RTTN: variants seen among roughly 807,000 people sequenced by gnomAD.
RTTN encodes rotatin.
In RTTN, 182 loss-of-function variants were observed where a neutral mutation model predicts 269.2. The ratio of observed to expected loss-of-function variants is 0.68; its 90% CI spans 0.60 to 0.76. The LOEUF is 0.76. Ranked by LOEUF, RTTN falls within the 30% of genes least tolerant of loss-of-function variation. The pLI is 0.00. For missense variants in RTTN, 2,545 were observed against 2,608.6 expected (o/e 0.98, Z 0.53); for synonymous variants, 1,006 against 963.5 (o/e 1.04, Z -0.82).
At chr18:70,038,540 C>T (rs189986613) in intron 40 of RTTN, among the ~76,000 whole-genome samples, 5 of 152,286 alleles carry the variant, frequency 3.3e-5, no homozygotes, top group East Asian at 1.9e-4. Context: ...CTGCAAGAAA[C>T]GAAGTGTTAT....
At chr18:70,118,368 C>T (rs1462466165) in intron 26 of RTTN, among the ~76,000 whole-genome samples, 1 of 151,882 alleles carries the variant, frequency 6.6e-6, no homozygotes, top group East Asian at 1.9e-4. Context: ...ATTCTAGACA[C>T]ATAGAGCTAC....
intron 46 of RTTN, among the ~76,000 whole-genome samples, chr18:70,012,121 G>A (rs1199015457): frequency 1.4e-5 from 2 of 144,118 alleles, no homozygotes; most frequent in African/African-American, 5.1e-5. Flanking sequence ...ACAGGGCAGC[G>A]TCTGCTCACT....
intron 28 of RTTN, among the ~76,000 whole-genome samples, chr18:70,097,119 T>A (rs1313638007): frequency 1.3e-5 from 2 of 152,242 alleles, no homozygotes; most frequent in African/African-American, 4.8e-5. Flanking sequence ...CCTCTGGAAT[T>A]ATACATCATG....
intron 46 of RTTN, among the ~76,000 whole-genome samples, chr18:70,016,181 T>C (rs78246294): frequency 0.017 from 2,489 of 145,200 alleles, 65 homozygotes; most frequent in African/African-American, 0.056. Flanking sequence ...AGAATGCTTA[T>C]CAGAAAAATA....
At chr18:70,020,987 T>A (rs973009661) in intron 44 of RTTN, 170 bp from the exon 45 acceptor site, 2 of 540,108 alleles carry the variant, frequency 3.7e-6, no homozygotes, top group African/African-American at 3.8e-5. Flanking sequence ...CTAATAGATA[T>A]ACTGTCCTCA....
rs796881996 is a variant in RTTN at position 70,063,193 on chromosome 18, T to C, written c.4747+2636A>G. 2.9e-4 allele frequency among the ~76,000 whole-genome samples: 44 copies of C among 152,298 alleles called. 1 individual carries two copies. Among genetic ancestry groups the C allele is most frequent in the African/African-American group, 1.1e-3 (44 of 41,560 alleles). On this transcript the variant is annotated intron_variant, in intron 35 of 48. Transcript: ENST00000640769. ...ATTGCCAAATTCCCTTCCAAAATTA[T>C]ACTAATTTGCATTTTCTCTAACAAT...
intron 27 of RTTN, among the ~76,000 whole-genome samples, chr18:70,113,795 C>A (rs185810901): frequency 1.9e-4 from 29 of 152,258 alleles, no homozygotes; most frequent in Admixed American, 1.8e-3. Context: ...CGCTAAAGGT[C>A]ACATTATTGT....
At chr18:70,090,929 G>A (rs1431875917) in intron 30 of RTTN, among the ~76,000 whole-genome samples, 1 of 152,168 alleles carries the variant, frequency 6.6e-6, no homozygotes, top group Admixed American at 6.5e-5. Context: ...AATGAAATTT[G>A]CTTTGCTAGG....
intron 14 of RTTN, among the ~76,000 whole-genome samples, chr18:70,165,100 G>A (rs1056847156): frequency 6.6e-6 from 1 of 151,994 alleles, no homozygotes; most frequent in Non-Finnish European, 1.5e-5. Context: ...TCAAACGTAT[G>A]CACACAGTCA....
chr18:70,102,651 A>G (rs1210086517), intron 28 of RTTN, among the ~76,000 whole-genome samples: 1 of 152,200 alleles, frequency 6.6e-6, no homozygotes, highest in African/African-American at 2.4e-5. Flanking sequence ...TAGTTGATAC[A>G]GTTTCTTCCT....
chr18:70,011,784 G>C (rs955585508), intron 46 of RTTN, among the ~76,000 whole-genome samples: 3 of 152,216 alleles, frequency 2.0e-5, no homozygotes, highest in African/African-American at 7.2e-5. Flanking sequence ...AATAGGAAAA[G>C]GTTCAAGGCA....
intron 10 of RTTN, among the ~76,000 whole-genome samples, chr18:70,184,686 A>C (rs1274757583): frequency 6.9e-6 from 1 of 144,676 alleles, no homozygotes; most frequent in Non-Finnish European, 1.5e-5. Context: ...ACTCAATTCC[A>C]TTCAAAACCA....
chr18:70,091,580 T>C (rs2058847243), intron 30 of RTTN: 2 of 152,294 alleles, frequency 1.3e-5, no homozygotes, highest in African/African-American at 4.8e-5. Context: ...ACTCTGATCT[T>C]GGACTTTCAG....
chr18:70,097,062 C>T (rs2059022548), intron 28 of RTTN, among the ~76,000 whole-genome samples: 1 of 152,178 alleles, frequency 6.6e-6, no homozygotes, highest in Non-Finnish European at 1.5e-5. Context: ...AAATGACAAG[C>T]CAAGACCTTT....
intron 28 of RTTN, among the ~76,000 whole-genome samples, chr18:70,101,035 C>A (rs1568379804): frequency 6.6e-6 from 1 of 152,088 alleles, no homozygotes; most frequent in African/African-American, 2.4e-5. Context: ...GTCTAAAATT[C>A]TCTTTTTTTG....
intron 4 of RTTN, among the ~76,000 whole-genome samples, chr18:70,200,367 A>G (rs2146172765): frequency 6.6e-6 from 1 of 152,346 alleles, no homozygotes; most frequent in Admixed American, 6.5e-5. Context: ...ACCCTCAATC[A>G]AGACAAACTG....
chr18:70,098,406 C>T (rs2059060316), intron 28 of RTTN, among the ~76,000 whole-genome samples: 1 of 152,106 alleles, frequency 6.6e-6, no homozygotes, highest in Admixed American at 6.6e-5. Flanking sequence ...CGAAAGGTCA[C>T]TAGATCCAGG....
intron 26 of RTTN, among the ~76,000 whole-genome samples, chr18:70,120,373 A>G (rs1035261370): frequency 6.6e-6 from 1 of 152,194 alleles, no homozygotes; most frequent in Non-Finnish European, 1.5e-5. Flanking sequence ...AAACAGCCTA[A>G]GACGATAATA....
chr18:70,156,646 G>A (rs1004755139), intron 14 of RTTN, among the ~76,000 whole-genome samples: 5 of 152,052 alleles, frequency 3.3e-5, no homozygotes, highest in African/African-American at 1.2e-4. Flanking sequence ...GGGACATCAC[G>A]GAACCCACCG....
Sources: allele counts gnomAD v4.1 joint callset (sites outside exome capture counted in the v4.1 genomes callset), GRCh38; gene constraint gnomAD v4.1.1; transcripts MANE v1.5; gene names NCBI Gene and HGNC (gene_info 2026-07-23, HGNC 2026-07-21).